The following AGO2 variants were observed in gnomAD, a reference collection of about 807,000 sequenced individuals.
The protein encoded by AGO2 is argonaute RISC catalytic component 2.
Under a neutral mutation model 102.3 loss-of-function variants are expected in AGO2, and 5 were observed. That is an observed-to-expected ratio of 0.05 (90% CI 0.03 to 0.10). The LOEUF (loss-of-function observed/expected upper bound fraction) is 0.10, where lower values mean the gene tolerates loss of function less well. Ranked by LOEUF, AGO2 falls within the 10% of genes least tolerant of loss-of-function variation. AGO2 has a pLI of 1.00. For missense variants in AGO2, 541 were observed against 1,183.7 expected, an observed-to-expected ratio of 0.46 and a Z score of 7.97; for synonymous variants, 449 against 473.1, an observed-to-expected ratio of 0.95 and a Z score of 0.66.
rs534852156 is a variant in AGO2, at chr8:140,626,207, T to G, written c.22+9278A>C. On this transcript the variant is annotated intron_variant, in intron 1 of 18. Transcript: ENST00000220592. The stretch of plus-strand genomic sequence containing the variant: ...AAGAGCTGTCGGGGTCCGGCGCACC[T>G]GGGTCTGTATAGAGGTGAGTTCTGA... Among the ~76,000 whole-genome samples the G allele has an allele frequency of 2.0e-4, 30 of 152,304 alleles. No individual in the cohort carries two copies. The East Asian group carries it at 5.6e-3, about 28-fold the overall frequency.
intron 10 of AGO2, among the ~76,000 whole-genome samples, chr8:140,554,936 G>A (rs757980665): frequency 3.3e-5 from 5 of 152,032 alleles, no homozygotes; most frequent in Admixed American, 1.3e-4. Flanking sequence ...TCAGCCTCCC[G>A]AAGTGCTGGG....
At position 140,557,355 on chromosome 8, in the gene AGO2, C is replaced by A; in HGVS notation, c.879-119G>T. The A allele has an allele frequency of 8.0e-7, 1 of 1,255,136 alleles. No individual in the cohort carries two copies. The allele number at this position is 1,255,136 out of a possible 1,614,324, so 77.7% of individuals were successfully genotyped here. A position where few individuals can be genotyped will look rare whatever the true frequency, so the allele number is the denominator to read the frequency against. ...TGAGGAGCAAACATTCAGAGCACTT[C>A]CGGGAGTGAAAACCATGTCATGTGC... On this transcript the variant is annotated intron_variant, in intron 7 of 18. Coordinates refer to ENST00000220592, the MANE Select transcript of AGO2 (RefSeq NM_012154.5). This position sits in a 1 kb window ranked among gnomAD's most constrained non-coding sequence, Gnocchi z 5.9.
At chr8:140,541,390 G>A (rs747425764) in intron 14 of AGO2, 32 bp from the exon 15 acceptor site, 4 of 1,546,514 alleles carry the variant, frequency 2.6e-6, no homozygotes, top group Admixed American at 4.0e-5. Flanking sequence ...GTGGTCAGGG[G>A]TTCCCAAAAC....
upstream of AGO2, among the ~76,000 whole-genome samples, chr8:140,639,614 TAAAAA>T (rs770478461): frequency 6.9e-6 from 1 of 144,118 alleles, no homozygotes; most frequent in Admixed American, 6.9e-5. Flanking sequence ...CGCTACAAAA[TAAAAA>T]AAAATTAGCT....
intron 11 of AGO2, among the ~76,000 whole-genome samples, chr8:140,549,661 G>C (rs1004503253): frequency 6.6e-6 from 1 of 152,268 alleles, no homozygotes; most frequent in Non-Finnish European, 1.5e-5. Flanking sequence ...GCTGAGCAGC[G>C]CCTGGAGCTC....
chr8:140,605,096 GT>G (rs919948604), intron 1 of AGO2, among the ~76,000 whole-genome samples: 34 of 152,120 alleles, frequency 2.2e-4, no homozygotes, highest in African/African-American at 7.7e-4. Context: ...AAAAATACAA[GT>G]TTTTTTTCTT....
At chr8:140,588,104 C>T (rs1181323427) in intron 1 of AGO2, among the ~76,000 whole-genome samples, 1 of 152,220 alleles carries the variant, frequency 6.6e-6, no homozygotes, top group Non-Finnish European at 1.5e-5. Flanking sequence ...ACCCCATGGG[C>T]ACCTCCTCCC....
chr8:140,546,948 C>T (rs917915405), intron 13 of AGO2, among the ~76,000 whole-genome samples: 13 of 152,318 alleles, frequency 8.5e-5, no homozygotes, highest in East Asian at 7.7e-4. Context: ...CCCCCGTCCC[C>T]GGCGGTCAGC....
intron 1 of AGO2, among the ~76,000 whole-genome samples, chr8:140,633,153 C>T (rs1588523003): frequency 6.6e-6 from 1 of 152,036 alleles, no homozygotes; most frequent in Non-Finnish European, 1.5e-5. Context: ...CCTCGTGATC[C>T]GCCCGCCTTG....
intron 1 of AGO2, among the ~76,000 whole-genome samples, chr8:140,619,571 G>A (rs1418172783): frequency 1.3e-5 from 2 of 152,206 alleles, no homozygotes; most frequent in African/African-American, 4.8e-5. Flanking sequence ...CTGCGCCGCA[G>A]AGCACAGAAG....
At chr8:140,606,542 A>G (rs2074000447) in intron 1 of AGO2, among the ~76,000 whole-genome samples, 1 of 152,266 alleles carries the variant, frequency 6.6e-6, no homozygotes, top group East Asian at 1.9e-4. Flanking sequence ...TGATGCCTTC[A>G]GCACAATGTG....
intron 1 of AGO2, among the ~76,000 whole-genome samples, chr8:140,634,434 C>G (rs904732063): frequency 2.6e-5 from 4 of 152,232 alleles, no homozygotes; most frequent in African/African-American, 4.8e-5. Context: ...TGCGGCCCGG[C>G]TGGGGCCCAG....
chr8:140,532,027 C>T lies in AGO2; in HGVS notation c.*17G>A, dbSNP rs761265483. 1.2e-5 allele frequency: 20 copies of T among 1,612,254 alleles called. No individual in the cohort carries two copies. In the Middle Eastern group the frequency reaches 4.9e-4, roughly 40 times the overall value. ...GTGAATCCCACTCGGTACACAATCG[C>T]TAAACACTAAAACATGTCAAGCAAA... On this transcript the variant is annotated 3_prime_UTR_variant, in exon 19 of 19. Transcript: ENST00000220592.
rs2072530815 is a variant in AGO2, at chr8:140,527,834, TA to T, written c.*4209del. 6.6e-6 allele frequency: 1 copy of T among 152,256 alleles called. No homozygotes were observed. The highest frequency in any genetic ancestry group is 2.1e-4 in the South Asian group (1 of 4,834). The allele number at this position is 152,256 out of a possible 1,614,324, so 9.4% of individuals were successfully genotyped here. ...CCACTGTCTGGATTATGTCGACTTCTAAAGCTCCTCCTAATGGAACTGCCTT... is the reference window on the plus strand; with the variant it reads ...CCACTGTCTGGATTATGTCGACTTCTAAGCTCCTCCTAATGGAACTGCCTT... On this transcript the variant is annotated 3_prime_UTR_variant, in exon 19 of 19. Coordinates refer to ENST00000220592, the MANE Select transcript of AGO2 (RefSeq NM_012154.5). The surrounding 1 kb of genome is among the most constrained non-coding windows in gnomAD (Gnocchi z 6.0).
chr8:140,533,128 A>G lies in AGO2; in HGVS notation c.2272-513T>C, dbSNP rs753902609. ...AAGCAGGCTGGGCCCGGTGGCTCACACCTGTAATCCCAGCACTTTGGGAGG... is the reference window on the plus strand; with the variant it reads ...AAGCAGGCTGGGCCCGGTGGCTCACGCCTGTAATCCCAGCACTTTGGGAGG... On this transcript the variant is annotated intron_variant, in intron 17 of 18. Coordinates refer to ENST00000220592, the MANE Select transcript of AGO2 (RefSeq NM_012154.5). Among the ~76,000 whole-genome samples, 488 of 149,096 alleles carry G rather than the reference A, an allele frequency of 3.3e-3. 2 individuals carry two copies. The highest frequency in any genetic ancestry group is 0.011 in the African/African-American group (448 of 40,682).
rs575364159 is a variant in AGO2 at position 140,522,024 on chromosome 8, G to T, written c.*10020C>A. 1 of 152,002 alleles carries T rather than the reference G, an allele frequency of 6.6e-6. No individual in the cohort carries two copies. The highest frequency in any genetic ancestry group is 2.4e-5 in the African/African-American group (1 of 41,386). 9.4% of individuals were successfully genotyped at this position (152,002 alleles called of 1,614,324 possible). ...GACATTTTTTTTTTTCTTTTCACAG[G>T]GGGGCAGTCGGGATTATAATACACT... On this transcript the variant is annotated 3_prime_UTR_variant, in exon 19 of 19. Coordinates refer to ENST00000220592, the MANE Select transcript of AGO2 (RefSeq NM_012154.5).
intron 1 of AGO2, among the ~76,000 whole-genome samples, chr8:140,599,780 G>A (rs1196309355): frequency 1.3e-5 from 2 of 152,094 alleles, no homozygotes; most frequent in African/African-American, 2.4e-5. Context: ...AGAGTACAGG[G>A]GCGCAATCTC....
intron 1 of AGO2, among the ~76,000 whole-genome samples, chr8:140,596,343 G>C (rs1048218637): frequency 1.3e-5 from 2 of 152,212 alleles, no homozygotes; most frequent in Non-Finnish European, 2.9e-5. Flanking sequence ...CAGCATTTTG[G>C]GAGGCCAAGG....
intron 3 of AGO2, among the ~76,000 whole-genome samples, chr8:140,566,002 C>T (rs1200017677): frequency 6.6e-6 from 1 of 151,416 alleles, no homozygotes; most frequent in African/African-American, 2.4e-5. Context: ...TGTGCCATTG[C>T]TCTCCAGCCT....
Sources: allele counts gnomAD v4.1 joint callset (sites outside exome capture counted in the v4.1 genomes callset), GRCh38; gene constraint gnomAD v4.1.1; non-coding constraint Gnocchi (gnomAD v3.1); transcripts MANE v1.5; gene names NCBI Gene and HGNC (gene_info 2026-07-23, HGNC 2026-07-21).